ASH1L: variants seen among roughly 807,000 people sequenced by gnomAD.
The protein encoded by ASH1L is ASH1 like histone lysine methyltransferase, also known as histone-lysine N-methyltransferase ASH1L.
ASH1L carries 23 observed loss-of-function variants against 269.0 expected under a neutral mutation model. The ratio of observed to expected loss-of-function variants is 0.09; its 90% CI spans 0.06 to 0.12. ASH1L has a LOEUF of 0.12. Ranked by LOEUF, ASH1L falls within the 10% of genes least tolerant of loss-of-function variation. ASH1L has a pLI of 1.00. For missense variants in ASH1L, 2,912 were observed against 3,567.8 expected (o/e 0.82, Z 4.68); for synonymous variants, 1,187 against 1,253.5 (o/e 0.95, Z 1.12).
At chr1:155,347,270 C>T (rs1267063626) in intron 20 of ASH1L, among the ~76,000 whole-genome samples, 3 of 151,874 alleles carry the variant, frequency 2.0e-5, no homozygotes, top group South Asian at 2.1e-4. Context: ...CATGGTGGCA[C>T]GTGGCACATG....
rs764918278 is a variant in ASH1L, at chr1:155,360,196, A to G, written c.6795+105T>C. On this transcript the variant is annotated intron_variant, in intron 13 of 27. Coordinates refer to ENST00000392403, the MANE Select transcript of ASH1L (RefSeq NM_018489.3). Reference sequence around the variant, plus strand: ...TGAACCACTGTGTCCAGCCTCCCACATACTTCTTAATGGCTCCAAGTCAAT... The same window carrying G: ...TGAACCACTGTGTCCAGCCTCCCACGTACTTCTTAATGGCTCCAAGTCAAT... 4 of 780,820 alleles carry G rather than the reference A, an allele frequency of 5.1e-6. No individual in the cohort carries two copies. In the African/African-American group the frequency reaches 5.2e-5, roughly 10 times the overall value. 48.4% of individuals were successfully genotyped at this position (780,820 alleles called of 1,614,324 possible).
chr1:155,526,683 A>AGAG (rs1669283279), intron 1 of ASH1L, among the ~76,000 whole-genome samples: 1 of 152,110 alleles, frequency 6.6e-6, no homozygotes, highest in African/African-American at 2.4e-5. Flanking sequence ...GCAGTAACAA[A>AGAG]CAGAAAAGTG....
At chr1:155,542,678 T>C (rs992491977) in intron 1 of ASH1L, among the ~76,000 whole-genome samples, 1 of 98,374 alleles carries the variant, frequency 1.0e-5, no homozygotes, top group African/African-American at 3.1e-5. Flanking sequence ...AATTAATTAA[T>C]TAATTTTTTT....
intron 4 of ASH1L, among the ~76,000 whole-genome samples, chr1:155,451,708 G>A (rs1176554694): frequency 6.6e-6 from 1 of 151,328 alleles, no homozygotes; most frequent in Non-Finnish European, 1.5e-5. Context: ...CGACAGGAGC[G>A]AGACTCTGAA....
intron 4 of ASH1L, among the ~76,000 whole-genome samples, chr1:155,449,312 A>T (rs2148651112): frequency 6.6e-6 from 1 of 152,308 alleles, no homozygotes; most frequent in South Asian, 2.1e-4. Flanking sequence ...CTTATGAATT[A>T]TTTAGAAGTG....
At chr1:155,337,855 A>G (rs1652438860) in intron 27 of ASH1L, 104 bp from the exon 28 acceptor site, 2 of 1,212,916 alleles carry the variant, frequency 1.6e-6, no homozygotes, top group Non-Finnish European at 1.2e-6. Flanking sequence ...TCCTTTTCTG[A>G]CCTATAAGCA....
rs1420733882 is a variant in ASH1L, at chr1:155,433,250, G to A, written c.5828+5077C>T. On this transcript the variant is annotated intron_variant, in intron 5 of 27. Coordinates refer to ENST00000392403, the MANE Select transcript of ASH1L (RefSeq NM_018489.3). ...AGGCGGTGGAGGTGATGGGCCAGGG[G>A]GGCCGGAGCCGGGCTGGGTTGATCC... is the stretch of plus-strand genomic sequence containing the variant. The A allele has an allele frequency of 2.6e-6, 4 of 1,552,982 alleles. No individual in the cohort carries two copies. In the Admixed American group the frequency reaches 5.8e-5, roughly 23 times the overall value.
intron 27 of ASH1L, 84 bp downstream of exon 27, chr1:155,338,005 C>A (rs1652456000): frequency 2.2e-6 from 3 of 1,381,106 alleles, no homozygotes; most frequent in Non-Finnish European, 2.0e-6. Flanking sequence ...ACTTTGGATG[C>A]TGAACCAGTA....
In ASH1L at chr1:155,482,216, T is replaced by C. The variant is rs749685877; in HGVS notation, c.654A>G (p.Glu218=). 8 of 1,614,192 alleles carry C rather than the reference T, an allele frequency of 5.0e-6. No homozygotes were observed. Among genetic ancestry groups the C allele is most frequent in the South Asian group, 2.2e-5 (2 of 91,082 alleles). Residue 218 remains glutamate, a synonymous_variant, in exon 3 of 28, where the codon GAA becomes GAG. Transcript: ENST00000392403. ...AGGTAGCAATCAGCTGTGCCAACTT[T>C]TCTGTTACACTAGTTCCTCCATTAA... ...ALLNGGTSVT[E]KLAQLIATCP...
chr1:155,562,645 CACCA>C lies in ASH1L; in HGVS notation c.-596_-593del, dbSNP rs1157234507. The C allele has an allele frequency of 2.6e-6, 4 of 1,525,710 alleles. No individual in the cohort carries two copies. The African/African-American group carries it at 5.5e-5, about 21-fold the overall frequency. The allele number at this position is 1,525,710 out of a possible 1,614,324, so 94.5% of individuals were successfully genotyped here. On this transcript the variant is annotated 5_prime_UTR_variant, in exon 1 of 28. Coordinates refer to ENST00000392403, the MANE Select transcript of ASH1L (RefSeq NM_018489.3). ...CTACGGGCTCGTCGCTGGCTGCTCC[CACCA>C]ACCACCACCTTCGGCCGCCCCGCGC... is the stretch of plus-strand genomic sequence containing the variant.
intron 1 of ASH1L, among the ~76,000 whole-genome samples, chr1:155,560,389 TTC>T (rs1671879207): frequency 6.6e-6 from 1 of 152,200 alleles, no homozygotes; most frequent in African/African-American, 2.4e-5. Context: ...AGTTTATGCA[TTC>T]TTTCTTCATA....
At chr1:155,436,284 C>T (rs1018572840) in intron 5 of ASH1L, among the ~76,000 whole-genome samples, 14 of 151,624 alleles carry the variant, frequency 9.2e-5, no homozygotes, top group East Asian at 3.9e-4. Context: ...CTCCACCTCC[C>T]GTGTTCAAGG....
chr1:155,431,541 G>A (rs974648820), intron 5 of ASH1L, among the ~76,000 whole-genome samples: 5 of 152,006 alleles, frequency 3.3e-5, no homozygotes, highest in Non-Finnish European at 7.4e-5. Context: ...TGAGAGGATC[G>A]CTTGAGTGCA....
At chr1:155,459,993 C>T in intron 3 of ASH1L, 95 bp from the exon 4 acceptor site, 3 of 876,986 alleles carry the variant, frequency 3.4e-6, no homozygotes, top group Non-Finnish European at 5.1e-6. Flanking sequence ...AGTTTAGTTG[C>T]TGCCACTGTC....
intron 1 of ASH1L, among the ~76,000 whole-genome samples, chr1:155,555,637 C>A (rs1671536624): frequency 6.6e-6 from 1 of 151,906 alleles, no homozygotes; most frequent in Non-Finnish European, 1.5e-5. Flanking sequence ...TTGAAAAAAG[C>A]TGATAAGCTA....
chr1:155,407,302 G>C (rs562114821), intron 6 of ASH1L, among the ~76,000 whole-genome samples: 1 of 152,280 alleles, frequency 6.6e-6, no homozygotes, highest in East Asian at 1.9e-4. Context: ...ACGGGCTGTG[G>C]AAAAGTAAGA....
Position 155,343,029 on chromosome 1 carries a change from TG to T in ASH1L, c.8293+284del. ...GTCATTGAAGTCTTTTTTTTTTTTT[TG>T]AGGCAGGGTTTCATTCTGTTGCACA... On this transcript the variant is annotated intron_variant, in intron 24 of 27. Transcript: ENST00000392403. The surrounding 1 kb of genome is among the most constrained non-coding windows in gnomAD (Gnocchi z 6.1). 1.2e-5 allele frequency: 3 copies of T among 244,618 alleles called. No homozygotes were observed. Among genetic ancestry groups the T allele is most frequent in the Non-Finnish European group, 2.4e-5 (3 of 127,138 alleles). The allele number at this position is 244,618 out of a possible 1,614,324, so 15.2% of individuals were successfully genotyped here.
At chr1:155,430,958 T>C (rs1032797511) in intron 5 of ASH1L, among the ~76,000 whole-genome samples, 5 of 152,026 alleles carry the variant, frequency 3.3e-5, no homozygotes, top group African/African-American at 1.2e-4. Context: ...CTCACGCCTG[T>C]AATCCCAGCA....
chr1:155,433,125 T>A (rs754357313), intron 5 of ASH1L: 1 of 1,406,032 alleles, frequency 7.1e-7, no homozygotes, highest in Non-Finnish European at 9.5e-7. Context: ...TAGAAAGGAA[T>A]ATAAAAATAT....
Sources: allele counts gnomAD v4.1 joint callset (sites outside exome capture counted in the v4.1 genomes callset), GRCh38; gene constraint gnomAD v4.1.1; non-coding constraint Gnocchi (gnomAD v3.1); transcripts MANE v1.5; gene names NCBI Gene and HGNC (gene_info 2026-07-23, HGNC 2026-07-21).